SGMS2: variants seen among roughly 807,000 people sequenced by gnomAD.
SGMS2 encodes the protein sphingomyelin synthase 2.
Under a neutral mutation model 43.8 loss-of-function variants are expected in SGMS2, and 21 were observed. The ratio of observed to expected loss-of-function variants is 0.48; its 90% CI spans 0.34 to 0.69. SGMS2 has a LOEUF of 0.69. Among genes scored for constraint, SGMS2 ranks in the 30% least tolerant of loss-of-function variants. SGMS2 has a pLI of 0.01. For missense variants in SGMS2, 384 were observed against 443.2 expected, an observed-to-expected ratio of 0.87 and a Z score of 1.20; for synonymous variants, 167 against 160.6, an observed-to-expected ratio of 1.04 and a Z score of -0.30.
chr4:107,874,323 T>C (rs1339185191), intron 2 of SGMS2, among the ~76,000 whole-genome samples: 2 of 152,306 alleles, frequency 1.3e-5, no homozygotes, highest in East Asian at 3.9e-4. Context: ...GAAACTTTGC[T>C]TTGCAACTTT....
intron 2 of SGMS2, among the ~76,000 whole-genome samples, chr4:107,865,154 A>T (rs1728023861): frequency 6.6e-6 from 1 of 152,216 alleles, no homozygotes; most frequent in Admixed American, 6.5e-5. Flanking sequence ...CATTTGAGAT[A>T]GGAATTTATA....
chr4:107,866,294 G>C (rs1314525636), intron 2 of SGMS2, among the ~76,000 whole-genome samples: 1 of 152,154 alleles, frequency 6.6e-6, no homozygotes, highest in Non-Finnish European at 1.5e-5. Flanking sequence ...GCTGGGCATT[G>C]TGGCTCACAC....
rs184950348 is a variant in SGMS2 at position 107,842,732 on chromosome 4, C to T, written c.-326-15740C>T. On this transcript the variant is annotated intron_variant, in intron 1 of 6. Transcript: ENST00000690982. ...AGACTTCAACATTTTAAAGGCATTA[C>T]ATCCTTTTATTGTTTCATCAGCCAC... Among the ~76,000 whole-genome samples, 51 of 152,280 alleles carry T rather than the reference C, an allele frequency of 3.3e-4. No homozygotes were observed. The East Asian group carries it at 7.1e-3, about 21-fold the overall frequency.
intron 2 of SGMS2, among the ~76,000 whole-genome samples, chr4:107,891,099 CT>C (rs200577271): frequency 7.1e-6 from 1 of 140,870 alleles, no homozygotes; most frequent in African/African-American, 2.7e-5. Flanking sequence ...CCTTTTTTTT[CT>C]TTTTTTTTCC....
At position 107,911,517 on chromosome 4, in the gene SGMS2, A is replaced by G. The variant is rs906657630; in HGVS notation, c.*964A>G. 1 of 152,224 alleles carries G rather than the reference A, an allele frequency of 6.6e-6. No individual in the cohort carries two copies. Among genetic ancestry groups the G allele is most frequent in the Admixed American group, 6.5e-5 (1 of 15,284 alleles). The allele number at this position is 152,224 out of a possible 1,614,324, so 9.4% of individuals were successfully genotyped here. On this transcript the variant is annotated 3_prime_UTR_variant, in exon 7 of 7. Transcript: ENST00000690982. ...TAGGGCTCCTAATTGGAGCACAGAA[A>G]TGTATTTGGTCAAATTTCATTGAAG...
chr4:107,907,691 T>C (rs1020949056), intron 5 of SGMS2, among the ~76,000 whole-genome samples: 9 of 152,232 alleles, frequency 5.9e-5, no homozygotes, highest in African/African-American at 1.9e-4. Flanking sequence ...TGAATGTAAA[T>C]ATCACTATAA....
intron 5 of SGMS2, among the ~76,000 whole-genome samples, chr4:107,905,063 A>G (rs1016913385): frequency 2.0e-5 from 3 of 152,204 alleles, no homozygotes; most frequent in Non-Finnish European, 4.4e-5. Context: ...TCAGTTTTCT[A>G]AAATAACTGA....
intron 2 of SGMS2, chr4:107,867,389 G>A (rs1728206440): frequency 6.6e-6 from 1 of 152,208 alleles, no homozygotes; most frequent in Non-Finnish European, 1.5e-5. Context: ...TGTGTCAAGA[G>A]GAAGCAGTGG....
chr4:107,847,290 A>G (rs1408274491), intron 1 of SGMS2, among the ~76,000 whole-genome samples: 1 of 152,256 alleles, frequency 6.6e-6, no homozygotes, highest in East Asian at 1.9e-4. Context: ...TGATTTTTGT[A>G]TAAGGTGTAA....
chr4:107,905,343 C>A (rs1375454400), intron 5 of SGMS2, among the ~76,000 whole-genome samples: 1 of 152,088 alleles, frequency 6.6e-6, no homozygotes, highest in Non-Finnish European at 1.5e-5. Flanking sequence ...TGGGGGAAAC[C>A]ACCCCCATGA....
At chr4:107,903,571 T>C (rs1307057903) in intron 5 of SGMS2, among the ~76,000 whole-genome samples, 185 bp downstream of exon 5, 3 of 152,058 alleles carry the variant, frequency 2.0e-5, no homozygotes, top group East Asian at 1.9e-4. Flanking sequence ...ATATAAAATA[T>C]AAAATTTCAA....
intron 1 of SGMS2, among the ~76,000 whole-genome samples, chr4:107,853,210 A>G (rs1481310747): frequency 6.6e-6 from 1 of 152,176 alleles, no homozygotes; most frequent in Non-Finnish European, 1.5e-5. Flanking sequence ...TGTAGAAAGC[A>G]GAGCTTATGA....
At chr4:107,862,980 T>TAAG (rs1406605707) in intron 2 of SGMS2, among the ~76,000 whole-genome samples, 1 of 152,212 alleles carries the variant, frequency 6.6e-6, no homozygotes, top group Non-Finnish European at 1.5e-5. Context: ...TTCTCGCTTA[T>TAAG]GTGTTATAAG....
At chr4:107,827,469 C>CCG (rs1312924466) in intron 1 of SGMS2, among the ~76,000 whole-genome samples, 2 of 152,150 alleles carry the variant, frequency 1.3e-5, no homozygotes, top group Non-Finnish European at 2.9e-5. Flanking sequence ...ATTAGGCCGT[C>CCG]ATAGGCTGCC....
At position 107,914,468 on chromosome 4, in the gene SGMS2, T is replaced by C. The variant is rs1039202843; in HGVS notation, c.*3915T>C. The C allele has an allele frequency of 6.6e-6, 1 of 152,182 alleles. No homozygotes were observed. The highest frequency in any genetic ancestry group is 2.4e-5 in the African/African-American group (1 of 41,462). The allele number at this position is 152,182 out of a possible 1,614,324, so 9.4% of individuals were successfully genotyped here. A position where few individuals can be genotyped will look rare whatever the true frequency, so the allele number is the denominator to read the frequency against. On this transcript the variant is annotated 3_prime_UTR_variant, in exon 7 of 7. Transcript: ENST00000690982. ...TGCAAAATGTATGGTTATGTTACCG[T>C]ATATTCACAAAAGAAATATTATTAC... is the stretch of plus-strand genomic sequence containing the variant.
chr4:107,845,635 A>G (rs1726765052), intron 1 of SGMS2, among the ~76,000 whole-genome samples: 1 of 152,232 alleles, frequency 6.6e-6, no homozygotes, highest in East Asian at 1.9e-4. Context: ...TAGGGGCACT[A>G]TTAAAGTGAA....
chr4:107,847,349 A>G (rs1019020588), intron 1 of SGMS2, among the ~76,000 whole-genome samples: 1 of 152,170 alleles, frequency 6.6e-6, no homozygotes, highest in African/African-American at 2.4e-5. Context: ...CAGTTTTCCC[A>G]GCACCATTTA....
chr4:107,859,991 T>A (rs1031933903), intron 2 of SGMS2, among the ~76,000 whole-genome samples: 1 of 152,086 alleles, frequency 6.6e-6, no homozygotes, highest in African/African-American at 2.4e-5. Flanking sequence ...TCCCACACAC[T>A]TGATGTAAGG....
intron 2 of SGMS2, among the ~76,000 whole-genome samples, chr4:107,894,988 G>A (rs530801966): frequency 6.6e-6 from 1 of 152,244 alleles, no homozygotes; most frequent in South Asian, 2.1e-4. Flanking sequence ...TGACTTCATG[G>A]TTAGCAACAA....
Sources: allele counts gnomAD v4.1 joint callset (sites outside exome capture counted in the v4.1 genomes callset), GRCh38; gene constraint gnomAD v4.1.1; transcripts MANE v1.5; gene names NCBI Gene and HGNC (gene_info 2026-07-23, HGNC 2026-07-21).